Variants in DLG2 observed in about 807,000 individuals in gnomAD.
DLG2 encodes the protein discs large MAGUK scaffold protein 2, also known as disks large homolog 2.
A neutral mutation model predicts 132.5 loss-of-function variants in DLG2; 45 were observed. The ratio of observed to expected loss-of-function variants is 0.34; its 90% CI spans 0.27 to 0.44. The LOEUF is 0.44. DLG2 is among the 20% of genes least tolerant of loss of function. The pLI is 1.00. For synonymous variants in DLG2, 424 were observed against 419.6 expected, an observed-to-expected ratio of 1.01 and a Z score of -0.13; for missense variants, 1,045 against 1,196.9, an observed-to-expected ratio of 0.87 and a Z score of 1.87.
intron 11 of DLG2, among the ~76,000 whole-genome samples, chr11:84,030,035 T>G (rs1404342517): frequency 2.6e-5 from 4 of 152,140 alleles, no homozygotes; most frequent in Non-Finnish European, 5.9e-5. Context: ...TGTATCTTTA[T>G]CTATTTGTCT....
chr11:83,771,629 T>A (rs1346261949), intron 18 of DLG2, among the ~76,000 whole-genome samples: 9 of 152,184 alleles, frequency 5.9e-5, no homozygotes, highest in African/African-American at 2.2e-4. Flanking sequence ...TATCTAAACA[T>A]ATAAAAAGTA....
rs117549212 is a variant in DLG2 at position 83,489,901 on chromosome 11, G to A, written c.2194-5673C>T. Among the ~76,000 whole-genome samples the A allele has an allele frequency of 8.8e-3, 1,334 of 152,032 alleles. 10 individuals carry two copies. Among genetic ancestry groups the A allele is most frequent in the Non-Finnish European group, 0.015 (1,035 of 67,890 alleles). ...GAAAGAAAGGTGAGATACAAACGTG[G>A]TACGGAGGAAGGAGAGGAAGACTCT... On this transcript the variant is annotated intron_variant, in intron 21 of 27. Coordinates refer to ENST00000376104, the MANE Select transcript of DLG2 (RefSeq NM_001142699.3).
chr11:84,126,826 CAT>C (rs1448177746), intron 9 of DLG2, among the ~76,000 whole-genome samples: 1 of 152,160 alleles, frequency 6.6e-6, no homozygotes, highest in Non-Finnish European at 1.5e-5. Context: ...CTAAACTACA[CAT>C]TTTTGGGGTA....
intron 18 of DLG2, among the ~76,000 whole-genome samples, chr11:83,707,273 T>C (rs1435983471): frequency 6.6e-6 from 1 of 151,956 alleles, no homozygotes; most frequent in African/African-American, 2.4e-5. Context: ...CCCTTAGGAG[T>C]TCCTGTTTCT....
intron 14 of DLG2, among the ~76,000 whole-genome samples, chr11:83,951,471 G>A (rs1388065207): frequency 6.6e-6 from 1 of 152,154 alleles, no homozygotes; most frequent in Non-Finnish European, 1.5e-5. Context: ...GGTGATCGTG[G>A]ATGGCTCATA....
At chr11:85,176,577 C>T (rs541379465) in intron 4 of DLG2, among the ~76,000 whole-genome samples, 1 of 152,156 alleles carries the variant, frequency 6.6e-6, no homozygotes, top group African/African-American at 2.4e-5. Context: ...ATAAAAATGC[C>T]AAAAGCAATT....
intron 7 of DLG2, among the ~76,000 whole-genome samples, chr11:84,432,953 G>A (rs2098989182): frequency 1.3e-5 from 2 of 152,112 alleles, no homozygotes; most frequent in Admixed American, 1.3e-4. Flanking sequence ...GAACCCAAGA[G>A]GCAGAGGTTT....
intron 22 of DLG2, among the ~76,000 whole-genome samples, chr11:83,478,630 A>G (rs1007414629): frequency 6.6e-6 from 1 of 152,014 alleles, no homozygotes; most frequent in Non-Finnish European, 1.5e-5. Flanking sequence ...CCTTTAAAAT[A>G]CTCTATAAAA....
intron 8 of DLG2, among the ~76,000 whole-genome samples, chr11:84,196,603 T>C (rs2096521437): frequency 6.6e-6 from 1 of 152,198 alleles, no homozygotes; most frequent in Admixed American, 6.5e-5. Flanking sequence ...TTTTAAATAA[T>C]TTAACTAACT....
At chr11:84,623,164 A>G (rs1430265479) in intron 6 of DLG2, among the ~76,000 whole-genome samples, 1 of 152,126 alleles carries the variant, frequency 6.6e-6, no homozygotes, top group African/African-American at 2.4e-5. Context: ...ATGACTGGAT[A>G]TATCCCAACT....
chr11:83,639,500 C>G (rs558921089), intron 18 of DLG2, among the ~76,000 whole-genome samples: 18 of 151,354 alleles, frequency 1.2e-4, no homozygotes, highest in Admixed American at 4.0e-4. Context: ...AGCAAACTAT[C>G]GCAAGGACAA....
chr11:83,538,545 C>A (rs1026315676), intron 20 of DLG2, among the ~76,000 whole-genome samples: 1 of 152,164 alleles, frequency 6.6e-6, no homozygotes, highest in Non-Finnish European at 1.5e-5. Flanking sequence ...AGCCACCTGG[C>A]TTTGCTATCA....
At chr11:84,238,922 A>G (rs986938825) in intron 8 of DLG2, among the ~76,000 whole-genome samples, 2 of 152,192 alleles carry the variant, frequency 1.3e-5, no homozygotes, top group African/African-American at 4.8e-5. Flanking sequence ...GTGCTTATCT[A>G]TGAGCAAGTT....
At chr11:84,212,786 G>A (rs923889164) in intron 8 of DLG2, among the ~76,000 whole-genome samples, 3 of 152,150 alleles carry the variant, frequency 2.0e-5, no homozygotes, top group Non-Finnish European at 4.4e-5. Context: ...AGCCTCCCGA[G>A]TAGCTGGGAC....
chr11:84,318,569 G>C (rs985304095), intron 7 of DLG2, among the ~76,000 whole-genome samples: 1 of 152,152 alleles, frequency 6.6e-6, no homozygotes, highest in Non-Finnish European at 1.5e-5. Context: ...CAAGGGCTGA[G>C]ATCATAGCAA....
intron 6 of DLG2, among the ~76,000 whole-genome samples, chr11:84,650,858 TGTGTGTG>T (rs2099680747): frequency 1.1e-5 from 1 of 87,556 alleles, no homozygotes; most frequent in African/African-American, 6.0e-5. Flanking sequence ...TATGTGTGTG[TGTGTGTG>T]TGTGTGTGTA....
chr11:85,423,930 C>T (rs1327278019), intron 3 of DLG2, among the ~76,000 whole-genome samples: 2 of 152,188 alleles, frequency 1.3e-5, no homozygotes, highest in African/African-American at 4.8e-5. Context: ...TGCCCTCCCC[C>T]AGGTTCTGGC....
At chr11:84,851,236 T>C (rs560664764) in intron 6 of DLG2, among the ~76,000 whole-genome samples, 8 of 152,150 alleles carry the variant, frequency 5.3e-5, no homozygotes, top group South Asian at 2.1e-4. Context: ...AATAGAATCA[T>C]GTTGTGTGTA....
intron 4 of DLG2, among the ~76,000 whole-genome samples, chr11:85,216,612 G>T: frequency 6.6e-6 from 1 of 152,124 alleles, no homozygotes; most frequent in Non-Finnish European, 1.5e-5. Flanking sequence ...GGAACAATTT[G>T]ATTTAGGTAG....
Sources: gnomAD v4.1 joint callset for allele counts (sites outside exome capture counted in the v4.1 genomes callset) on GRCh38, gnomAD v4.1.1 for gene constraint, MANE v1.5 for transcripts, NCBI Gene and HGNC (gene_info 2026-07-23, HGNC 2026-07-21) for gene names.